The following NAALADL2 variants were observed in gnomAD, a reference collection of about 807,000 sequenced individuals.
NAALADL2 encodes inactive N-acetylated-alpha-linked acidic dipeptidase-like protein 2.
In NAALADL2, 76 loss-of-function variants were observed where a neutral mutation model predicts 87.2. The ratio of observed to expected loss-of-function variants is 0.87; its 90% CI spans 0.72 to 1.05. The LOEUF (loss-of-function observed/expected upper bound fraction) is 1.05, where lower values mean the gene tolerates loss of function less well. Ranked by LOEUF, NAALADL2 falls within the 50% of genes least tolerant of loss-of-function variation. NAALADL2 has a pLI of 0.00. For missense variants in NAALADL2, 1,089 were observed against 945.8 expected, an observed-to-expected ratio of 1.15 and a Z score of -1.99; for synonymous variants, 354 against 331.0, an observed-to-expected ratio of 1.07 and a Z score of -0.75.
chr3:174,943,823 G>A (rs189875261), intron 1 of NAALADL2, among the ~76,000 whole-genome samples: 1 of 152,276 alleles, frequency 6.6e-6, no homozygotes, highest in East Asian at 1.9e-4. Flanking sequence ...GGCATTTAGG[G>A]TCTTTGCTCC....
At chr3:174,761,814 G>A (rs895975679) in intron 3 of NAALADL2, among the ~76,000 whole-genome samples, 2 of 139,310 alleles carry the variant, frequency 1.4e-5, no homozygotes, top group South Asian at 2.3e-4. Context: ...CTGTGTCCAC[G>A]TGTTCTCATT....
At chr3:175,506,098 A>C (rs1470042061) in intron 9 of NAALADL2, among the ~76,000 whole-genome samples, 1 of 152,150 alleles carries the variant, frequency 6.6e-6, no homozygotes, top group Non-Finnish European at 1.5e-5. Flanking sequence ...AAGACACTAA[A>C]ATTATGAGCG....
At chr3:174,649,727 A>C (rs1336605344) in intron 2 of NAALADL2, among the ~76,000 whole-genome samples, 1 of 152,160 alleles carries the variant, frequency 6.6e-6, no homozygotes, top group East Asian at 1.9e-4. Context: ...ACATACATAC[A>C]CACAGATGAA....
rs181177189 is a variant in NAALADL2, at chr3:174,869,952, C to T, written c.43+10502C>T. On this transcript the variant is annotated intron_variant, in intron 1 of 13. Coordinates refer to ENST00000454872, the MANE Select transcript of NAALADL2 (RefSeq NM_207015.3). Reference sequence around the variant, plus strand: ...CGGAGGTTCCAGTGGGCCGAGATCACGCCATTGCACCCCATCCTGGGCAAC... The same window carrying T: ...CGGAGGTTCCAGTGGGCCGAGATCATGCCATTGCACCCCATCCTGGGCAAC... Among the ~76,000 whole-genome samples the T allele has an allele frequency of 1.7e-4, 25 of 147,564 alleles. No homozygotes were observed. The South Asian group carries it at 3.0e-3, about 18-fold the overall frequency.
At chr3:174,742,794 T>C (rs1733883063) in intron 3 of NAALADL2, among the ~76,000 whole-genome samples, 1 of 150,154 alleles carries the variant, frequency 6.7e-6, no homozygotes, top group Non-Finnish European at 1.5e-5. Context: ...TTTTGTAGGG[T>C]GTATTATTAT....
At chr3:175,164,824 G>A (rs929244693) in intron 2 of NAALADL2, among the ~76,000 whole-genome samples, 6 of 152,146 alleles carry the variant, frequency 3.9e-5, no homozygotes, top group Non-Finnish European at 5.9e-5. Context: ...TCTCTAATCT[G>A]TATTCTGAGT....
At chr3:174,790,012 A>T (rs1237650526) in intron 3 of NAALADL2, among the ~76,000 whole-genome samples, 1 of 152,198 alleles carries the variant, frequency 6.6e-6, no homozygotes, top group Non-Finnish European at 1.5e-5. Flanking sequence ...TGGAATAAAA[A>T]GGGACTCCTT....
chr3:175,678,526 A>ATGGAATACTAT lies in NAALADL2; in HGVS notation c.1896+51141_1896+51151dup, dbSNP rs375100794. On this transcript the variant is annotated intron_variant, in intron 11 of 13. Coordinates refer to ENST00000454872, the MANE Select transcript of NAALADL2 (RefSeq NM_207015.3). ...TAAGAAAATGTGGCACAGATACACC[A>ATGGAATACTAT]TGGAATACTATGCAGCCATAAAAAA... Among the ~76,000 whole-genome samples the ATGGAATACTAT allele has an allele frequency of 2.1e-3, 320 of 152,354 alleles. 1 individual carries two copies. Among genetic ancestry groups the ATGGAATACTAT allele is most frequent in the African/African-American group, 7.2e-3 (300 of 41,578 alleles).
intron 3 of NAALADL2, among the ~76,000 whole-genome samples, chr3:174,812,183 T>A (rs559630741): frequency 6.6e-6 from 1 of 152,092 alleles, no homozygotes; most frequent in Non-Finnish European, 1.5e-5. Context: ...CAAATACAAA[T>A]TGCTTATTGT....
chr3:175,703,479 A>G (rs1739256945), intron 11 of NAALADL2, among the ~76,000 whole-genome samples: 1 of 152,188 alleles, frequency 6.6e-6, no homozygotes. Context: ...ATGGTGGCTC[A>G]TGCCTGTAAT....
chr3:175,338,480 C>G (rs930420602), intron 5 of NAALADL2, among the ~76,000 whole-genome samples: 1 of 151,448 alleles, frequency 6.6e-6, no homozygotes, highest in African/African-American at 2.4e-5. Flanking sequence ...GCGTAGGTCC[C>G]CGTCCCTGTG....
At chr3:175,597,790 A>G (rs1332363394) in intron 10 of NAALADL2, among the ~76,000 whole-genome samples, 1 of 152,078 alleles carries the variant, frequency 6.6e-6, no homozygotes, top group Non-Finnish European at 1.5e-5. Context: ...TCCCCAGTTG[A>G]GAATTCTGAA....
chr3:174,597,564 T>C (rs752768992), intron 2 of NAALADL2, among the ~76,000 whole-genome samples: 1 of 152,170 alleles, frequency 6.6e-6, no homozygotes, highest in Non-Finnish European at 1.5e-5. Flanking sequence ...CTAGTGAGCC[T>C]TTCCATATAC....
intron 9 of NAALADL2, among the ~76,000 whole-genome samples, chr3:175,507,895 T>C (rs551046478): frequency 5.8e-4 from 88 of 152,298 alleles, no homozygotes; most frequent in African/African-American, 1.7e-3. Flanking sequence ...TGTTCTTGCA[T>C]TGATATAAAG....
intron 2 of NAALADL2, among the ~76,000 whole-genome samples, chr3:175,129,478 C>A (rs1288384186): frequency 6.6e-6 from 1 of 152,184 alleles, no homozygotes; most frequent in Admixed American, 6.5e-5. Context: ...CCATTCCCCA[C>A]CCCTGTCCAG....
At chr3:175,342,612 T>C (rs538066328) in intron 5 of NAALADL2, among the ~76,000 whole-genome samples, 1 of 152,196 alleles carries the variant, frequency 6.6e-6, no homozygotes, top group East Asian at 1.9e-4. Context: ...TATTTTATAG[T>C]TAATTTTCTA....
At chr3:174,833,669 C>G (rs569293546) in intron 3 of NAALADL2, among the ~76,000 whole-genome samples, 115 of 152,090 alleles carry the variant, frequency 7.6e-4, no homozygotes, top group African/African-American at 2.7e-3. Flanking sequence ...AAAATACTAT[C>G]AAATTCAATG....
At chr3:175,206,989 C>A (rs1251780365) in intron 2 of NAALADL2, among the ~76,000 whole-genome samples, 1 of 152,124 alleles carries the variant, frequency 6.6e-6, no homozygotes, top group African/African-American at 2.4e-5. Flanking sequence ...GATGCTCACA[C>A]ATACACTGGA....
intron 2 of NAALADL2, among the ~76,000 whole-genome samples, chr3:175,116,214 T>C (rs1030872960): frequency 2.0e-5 from 3 of 151,978 alleles, no homozygotes; most frequent in Admixed American, 6.6e-5. Flanking sequence ...TTCAACATAG[T>C]GTTGGAAGTT....
Sources: gnomAD v4.1 joint callset for allele counts (sites outside exome capture counted in the v4.1 genomes callset) on GRCh38, gnomAD v4.1.1 for gene constraint, MANE v1.5 for transcripts, NCBI Gene and HGNC (gene_info 2026-07-23, HGNC 2026-07-21) for gene names.